Variants in GLUD1 observed in about 807,000 individuals in gnomAD.
The protein encoded by GLUD1 is glutamate dehydrogenase 1, mitochondrial.
Under a neutral mutation model 56.0 loss-of-function variants are expected in GLUD1, and 22 were observed. That is an observed-to-expected ratio of 0.39 (90% confidence interval 0.28 to 0.56). The LOEUF (loss-of-function observed/expected upper bound fraction) is 0.56. Among genes scored for constraint, GLUD1 ranks in the 20% least tolerant of loss-of-function variants. The pLI is 0.58. For synonymous variants in GLUD1, 223 were observed against 269.9 expected, an observed-to-expected ratio of 0.83 and a Z score of 1.70; for missense variants, 451 against 732.0, an observed-to-expected ratio of 0.62 and a Z score of 4.43.
At chr10:87,086,703 C>T (rs1403122296) in intron 1 of GLUD1, among the ~76,000 whole-genome samples, 1 of 151,328 alleles carries the variant, frequency 6.6e-6, no homozygotes, top group East Asian at 1.9e-4. Flanking sequence ...TGGCGGTGGG[C>T]GCCTGTAGTC....
rs1841637566 is a variant in GLUD1 at position 87,094,116 on chromosome 10, G to C, written c.445+209C>G. On this transcript the variant is annotated intron_variant, in intron 1 of 12. Transcript: ENST00000277865. The surrounding 1 kb of genome is among the most constrained non-coding windows in gnomAD (Gnocchi z 6.6). ...GGCCCGGGGTGACGGCGCGGGGGAG[G>C]GGGCAGGCCAATCGCATGATGATTT... 3 of 1,487,780 alleles carry C rather than the reference G, an allele frequency of 2.0e-6. No individual in the cohort carries two copies. In the South Asian group the frequency reaches 3.7e-5, roughly 19 times the overall value. The allele number at this position is 1,487,780 out of a possible 1,614,324, so 92.2% of individuals were successfully genotyped here.
At chr10:87,093,753 ATTAC>A (rs1245915899) in intron 1 of GLUD1, among the ~76,000 whole-genome samples, 1 of 152,184 alleles carries the variant, frequency 6.6e-6, no homozygotes, top group Non-Finnish European at 1.5e-5. Flanking sequence ...GAATGGGAAA[ATTAC>A]TTAATTGAAA....
intron 11 of GLUD1, 83 bp downstream of exon 11, chr10:87,057,608 G>A (rs1845818515): frequency 1.2e-6 from 1 of 807,772 alleles, no homozygotes; most frequent in Admixed American, 1.7e-5. Flanking sequence ...CTATGCCGCA[G>A]ATGAAATCCA....
chr10:87,073,174 G>T (rs1846285676), intron 4 of GLUD1, among the ~76,000 whole-genome samples: 1 of 151,972 alleles, frequency 6.6e-6, no homozygotes, highest in African/African-American at 2.4e-5. Context: ...TTGAGATGTG[G>T]TCTCGTTTTG....
intron 1 of GLUD1, among the ~76,000 whole-genome samples, chr10:87,086,482 G>A (rs1250328874): frequency 2.0e-5 from 3 of 152,098 alleles, no homozygotes; most frequent in African/African-American, 2.4e-5. Flanking sequence ...CTGCTGCCTA[G>A]CTTTCTGTGC....
rs1367623777 is a variant in GLUD1, at chr10:87,051,703, C to T, written c.*48G>A. On this transcript the variant is annotated 3_prime_UTR_variant, in exon 13 of 13. Transcript: ENST00000277865. Reference sequence around the variant, plus strand: ...TACATGTAAACTTGTGATAGGTCTGCAGAAGTTACATGTGAAGAGGATAGT... The same window carrying T: ...TACATGTAAACTTGTGATAGGTCTGTAGAAGTTACATGTGAAGAGGATAGT... 1.2e-6 allele frequency: 2 copies of T among 1,601,738 alleles called. No homozygotes were observed. Among genetic ancestry groups the T allele is most frequent in the South Asian group, 1.1e-5 (1 of 90,768 alleles).
At chr10:87,055,570 T>G (rs1845749932) in intron 11 of GLUD1, among the ~76,000 whole-genome samples, 1 of 152,090 alleles carries the variant, frequency 6.6e-6, no homozygotes, top group African/African-American at 2.4e-5. Context: ...TACGAAACAG[T>G]GGCACACAGG....
At chr10:87,093,586 C>T (rs935043589) in intron 1 of GLUD1, among the ~76,000 whole-genome samples, 2 of 152,218 alleles carry the variant, frequency 1.3e-5, no homozygotes, top group Admixed American at 6.5e-5. Context: ...AGTACACACC[C>T]CCAGAGCTAT....
intron 5 of GLUD1, among the ~76,000 whole-genome samples, chr10:87,064,204 C>T (rs1000299706): frequency 2.0e-4 from 30 of 152,084 alleles, no homozygotes; most frequent in African/African-American, 5.3e-4. Context: ...TGAGCCACCG[C>T]GCCTGGCCTG....
chr10:87,062,899 A>G, intron 5 of GLUD1, 64 bp from the exon 6 acceptor site: 1 of 1,455,688 alleles, frequency 6.9e-7, no homozygotes, highest in Non-Finnish European at 9.6e-7. Flanking sequence ...AAGGAACATA[A>G]TGAATTAAAG....
intron 9 of GLUD1, 35 bp downstream of exon 9, chr10:87,060,126 G>C: frequency 8.0e-7 from 1 of 1,255,878 alleles, no homozygotes; most frequent in Non-Finnish European, 1.2e-6. Flanking sequence ...ATGATTCTAA[G>C]TACATATAAA....
At position 87,094,634 on chromosome 10, in the gene GLUD1, C is replaced by T. The variant is rs780956934; in HGVS notation, c.136G>A (p.Ala46Thr). The stretch of plus-strand genomic sequence containing the variant: ...CTGTAGTGGCGCCGGGCGGCCAATG[C>T]CAGCCCCGGCTGCGGGGCGGCGGCG... ...QPAAAPQPGL[A>T]LAARRHYSEA... The change falls in exon 1 of 13, where the codon GCA (alanine) becomes ACA (threonine). Residue 46 changes from alanine (A) to threonine (T), a missense_variant. This residue lies in a region of GLUD1 where 158 missense variants were observed against 189.7 expected (regional missense o/e 0.83). Transcript: ENST00000277865. This position sits in a 1 kb window ranked among gnomAD's most constrained non-coding sequence, Gnocchi z 6.6. 10 of 1,607,160 alleles carry T rather than the reference C, an allele frequency of 6.2e-6. No homozygotes were observed. The highest frequency in any genetic ancestry group is 5.0e-5 in the Admixed American group (3 of 59,754).
chr10:87,062,951 AGT>A (rs1845973553), intron 5 of GLUD1, 116 bp from the exon 6 acceptor site: 1 of 937,242 alleles, frequency 1.1e-6, no homozygotes, highest in Non-Finnish European at 1.7e-6. Context: ...GCTAATTAGG[AGT>A]GTGTGTATGA....
At position 87,078,672 on chromosome 10, in the gene GLUD1, G is replaced by A. The variant is rs180907085; in HGVS notation, c.446-2016C>T. On this transcript the variant is annotated intron_variant, in intron 1 of 12. Coordinates refer to ENST00000277865, the MANE Select transcript of GLUD1 (RefSeq NM_005271.5). ...CAAAAATATTTGACATACATGTTAA[G>A]TTTTAAATAACTTACCATAAGCCTC... is the stretch of plus-strand genomic sequence containing the variant. 2.5e-4 allele frequency among the ~76,000 whole-genome samples: 38 copies of A among 152,252 alleles called. No homozygotes were observed. In the East Asian group the frequency reaches 6.4e-3, roughly 25 times the overall value.
In GLUD1 at chr10:87,060,747, T is replaced by C; in HGVS notation, c.1138A>G (p.Ile380Val). 3 of 1,614,228 alleles carry C rather than the reference T, an allele frequency of 1.9e-6. No homozygotes were observed. Among genetic ancestry groups the C allele is most frequent in the Non-Finnish European group, 2.5e-6 (3 of 1,180,040 alleles). Residue 380 changes from isoleucine to valine, a missense_variant, in exon 8 of 13, where the codon ATC (isoleucine) becomes GTC (valine). By Grantham distance (29) the Ile-to-Val change is conservative. Coordinates refer to ENST00000277865, the MANE Select transcript of GLUD1 (RefSeq NM_005271.5). ...SILEADCDIL[I>V]PAASEKQLTK... is the part of the protein sequence containing the mutation. The stretch of plus-strand genomic sequence containing the variant: ...AACTGCTTCTCACTGGCAGCTGGGA[T>C]CAGTATGTCACAGTCGGCCTCCAAG...
In GLUD1 at chr10:87,051,649, G is replaced by T. The variant is rs1388834664; in HGVS notation, c.*102C>A. 5.6e-6 allele frequency: 7 copies of T among 1,256,200 alleles called. No individual in the cohort carries two copies. Among genetic ancestry groups the T allele is most frequent in the Non-Finnish European group, 8.2e-6 (7 of 855,494 alleles). 77.8% of individuals were successfully genotyped at this position (1,256,200 alleles called of 1,614,324 possible). ...GTTGAGAATGGTATCCATTATTAAT[G>T]AGTCAGGAGAGAAAGGGATTTCTGT... On this transcript the variant is annotated 3_prime_UTR_variant, in exon 13 of 13. Coordinates refer to ENST00000277865, the MANE Select transcript of GLUD1 (RefSeq NM_005271.5).
chr10:87,054,114 G>A (rs770610749), intron 11 of GLUD1, among the ~76,000 whole-genome samples: 21 of 152,136 alleles, frequency 1.4e-4, no homozygotes, highest in Non-Finnish European at 2.5e-4. Flanking sequence ...GTGACATACA[G>A]AGCTACAAAA....
chr10:87,063,872 CTCTT>C (rs1044714821), intron 5 of GLUD1, among the ~76,000 whole-genome samples: 4 of 151,646 alleles, frequency 2.6e-5, no homozygotes, highest in Non-Finnish European at 2.9e-5. Context: ...TCTTTCTGTC[CTCTT>C]TCTTTGTCTT....
At chr10:87,085,662 TC>T (rs1189080132) in intron 1 of GLUD1, among the ~76,000 whole-genome samples, 1 of 152,202 alleles carries the variant, frequency 6.6e-6, no homozygotes, top group Non-Finnish European at 1.5e-5. Context: ...AGCTGAAGAC[TC>T]CCTTGACTTC....
Sources: gnomAD v4.1 joint callset for allele counts (sites outside exome capture counted in the v4.1 genomes callset) on GRCh38, gnomAD v4.1.1 for gene constraint, gnomAD v4.1.1 regional missense constraint, Gnocchi (gnomAD v3.1) non-coding constraint, MANE v1.5 for transcripts, NCBI Gene and HGNC (gene_info 2026-07-23, HGNC 2026-07-21) for gene names.